MAPK10: variants seen among roughly 807,000 people sequenced by gnomAD.
The protein encoded by MAPK10 is mitogen-activated protein kinase 10.
MAPK10 carries 25 observed loss-of-function variants against 59.3 expected under a neutral mutation model. The ratio of observed to expected loss-of-function variants is 0.42; its 90% CI spans 0.31 to 0.59. MAPK10 has a LOEUF of 0.59. Among genes scored for constraint, MAPK10 ranks in the 20% least tolerant of loss-of-function variants. The probability of loss-of-function intolerance (pLI) is 0.15; values close to 1 mark genes in which losing one functional copy is unlikely to be tolerated. For missense variants in MAPK10, 351 were observed against 568.9 expected, an observed-to-expected ratio of 0.62 and a Z score of 3.90; for synonymous variants, 190 against 200.5, an observed-to-expected ratio of 0.95 and a Z score of 0.44.
At chr4:86,225,976 T>G (rs1328791844) in intron 2 of MAPK10, among the ~76,000 whole-genome samples, 1 of 152,210 alleles carries the variant, frequency 6.6e-6, no homozygotes, top group East Asian at 1.9e-4. Context: ...AAAGTAGATA[T>G]AGACAGGGAT....
chr4:86,526,677 C>T (rs1757489453), intron 1 of MAPK10, among the ~76,000 whole-genome samples: 1 of 152,036 alleles, frequency 6.6e-6, no homozygotes, highest in South Asian at 2.1e-4. Flanking sequence ...AATTTGAGAT[C>T]TTTCTAACTT....
At chr4:86,525,495 C>T (rs1039321505) in intron 1 of MAPK10, among the ~76,000 whole-genome samples, 2 of 152,118 alleles carry the variant, frequency 1.3e-5, no homozygotes, top group Admixed American at 1.3e-4. Flanking sequence ...GTCACTGAAA[C>T]AAGTGAACTT....
intron 1 of MAPK10, among the ~76,000 whole-genome samples, chr4:86,385,963 G>A (rs1239977730): frequency 2.0e-5 from 3 of 152,118 alleles, no homozygotes; most frequent in African/African-American, 7.2e-5. Context: ...TCTTAGCCAG[G>A]TAAAGAAAAC....
intron 1 of MAPK10, among the ~76,000 whole-genome samples, chr4:86,439,104 A>T (rs1024175264): frequency 2.0e-5 from 3 of 152,124 alleles, no homozygotes; most frequent in African/African-American, 4.8e-5. Context: ...ATTTTTAAAA[A>T]TTTTTATTTG....
intron 2 of MAPK10, among the ~76,000 whole-genome samples, chr4:86,352,700 T>C (rs1194750829): frequency 6.6e-6 from 1 of 152,222 alleles, no homozygotes; most frequent in Non-Finnish European, 1.5e-5. Flanking sequence ...TTATGTTGTT[T>C]GATTTGTTTA....
At chr4:86,215,240 C>A (rs967954746) in intron 2 of MAPK10, among the ~76,000 whole-genome samples, 5 of 152,288 alleles carry the variant, frequency 3.3e-5, no homozygotes, top group Middle Eastern at 3.4e-3. Flanking sequence ...CTTTACCTAA[C>A]AACAAATGCA....
At chr4:86,105,988 G>A (rs1322807952) in intron 5 of MAPK10, among the ~76,000 whole-genome samples, 1 of 152,036 alleles carries the variant, frequency 6.6e-6, no homozygotes, top group East Asian at 1.9e-4. Context: ...GTCTTATTGT[G>A]GATCGCCTTG....
At chr4:86,137,286 A>C (rs1347048234) in intron 4 of MAPK10, among the ~76,000 whole-genome samples, 2 of 151,818 alleles carry the variant, frequency 1.3e-5, no homozygotes, top group African/African-American at 2.4e-5. Flanking sequence ...ACTTGGAAGT[A>C]AAGCTGTCCT....
intron 2 of MAPK10, among the ~76,000 whole-genome samples, chr4:86,258,442 C>A (rs768452297): frequency 2.6e-5 from 4 of 152,104 alleles, no homozygotes; most frequent in Non-Finnish European, 5.9e-5. Flanking sequence ...GTTGGTTTAC[C>A]CCCACTGTAT....
chr4:86,182,768 A>G (rs1327516063), intron 3 of MAPK10, among the ~76,000 whole-genome samples: 1 of 152,134 alleles, frequency 6.6e-6, no homozygotes, highest in Non-Finnish European at 1.5e-5. Context: ...AAGTAAATAA[A>G]ATGTCCAGTC....
At chr4:86,366,615 G>A (rs1025473533) in intron 1 of MAPK10, among the ~76,000 whole-genome samples, 8 of 152,032 alleles carry the variant, frequency 5.3e-5, no homozygotes, top group East Asian at 1.9e-4. Flanking sequence ...GACAATTGAT[G>A]GAGATTTACA....
chr4:86,254,930 C>T (rs988066455), intron 2 of MAPK10, among the ~76,000 whole-genome samples: 7 of 152,024 alleles, frequency 4.6e-5, no homozygotes, highest in African/African-American at 1.7e-4. Context: ...ACTTATTTTT[C>T]AACAGAAGAT....
intron 9 of MAPK10, among the ~76,000 whole-genome samples, chr4:86,092,358 T>C (rs2053406136): frequency 6.6e-6 from 1 of 152,116 alleles, no homozygotes; most frequent in Non-Finnish European, 1.5e-5. Flanking sequence ...AGCTCTGTTA[T>C]CTTGAATTAC....
At chr4:86,494,421 G>A (rs1754706447) in intron 1 of MAPK10, among the ~76,000 whole-genome samples, 1 of 152,184 alleles carries the variant, frequency 6.6e-6, no homozygotes, top group South Asian at 2.1e-4. Context: ...AAGGCAGAAG[G>A]CCATGGTCAG....
chr4:86,378,928 T>C (rs1007342356), intron 1 of MAPK10, among the ~76,000 whole-genome samples: 1 of 152,162 alleles, frequency 6.6e-6, no homozygotes, highest in African/African-American at 2.4e-5. Context: ...AAAGGCTTCA[T>C]GGAAGAATTG....
chr4:86,170,746 T>A (rs1415026446), intron 3 of MAPK10, among the ~76,000 whole-genome samples: 10 of 151,532 alleles, frequency 6.6e-5, no homozygotes, highest in South Asian at 4.2e-4. Flanking sequence ...TACAGAACTC[T>A]CCACCCCAAA....
chr4:86,273,024 T>G (rs2094477487), intron 2 of MAPK10, among the ~76,000 whole-genome samples: 1 of 152,182 alleles, frequency 6.6e-6, no homozygotes, highest in African/African-American at 2.4e-5. Context: ...ACCACAATGC[T>G]GTTTTGCAGC....
chr4:86,349,712 G>A (rs1194346463), intron 2 of MAPK10, among the ~76,000 whole-genome samples: 2 of 152,130 alleles, frequency 1.3e-5, no homozygotes, highest in Non-Finnish European at 2.9e-5. Flanking sequence ...ACTTTAACAT[G>A]TATTTAAATC....
chr4:86,530,062 T>A (rs1203027095), intron 1 of MAPK10, among the ~76,000 whole-genome samples: 1 of 143,958 alleles, frequency 6.9e-6, no homozygotes, highest in Admixed American at 7.3e-5. Context: ...TTTGGTTTTG[T>A]TTTTCCTTTT....
Sources: gnomAD v4.1 joint callset for allele counts (sites outside exome capture counted in the v4.1 genomes callset) on GRCh38, gnomAD v4.1.1 for gene constraint, MANE v1.5 for transcripts, NCBI Gene and HGNC (gene_info 2026-07-23, HGNC 2026-07-21) for gene names.